The following EPM2A variants were observed in gnomAD, a reference collection of about 807,000 sequenced individuals.
EPM2A encodes the protein laforin.
EPM2A carries 21 observed loss-of-function variants against 26.5 expected under a neutral mutation model. The observed-to-expected ratio is 0.79, with a 90% confidence interval of 0.56 to 1.14. EPM2A has a LOEUF of 1.14. Among genes scored for constraint, EPM2A ranks in the 50% most tolerant of loss-of-function variants. EPM2A has a pLI of 0.00. For missense variants in EPM2A, 458 were observed against 440.8 expected (o/e 1.04, Z -0.35); for synonymous variants, 217 against 177.6 (o/e 1.22, Z -1.76).
At chr6:145,709,685 C>G (rs940918642) in intron 1 of EPM2A, among the ~76,000 whole-genome samples, 2 of 152,118 alleles carry the variant, frequency 1.3e-5, no homozygotes, top group African/African-American at 4.8e-5. Flanking sequence ...ATTATCCCAT[C>G]TGTATTTTAG....
chr6:145,561,523 GA>G (rs1167126125), intron 2 of EPM2A, among the ~76,000 whole-genome samples: 9 of 152,064 alleles, frequency 5.9e-5, no homozygotes, highest in Non-Finnish European at 8.8e-5. Context: ...CAAAACAAGG[GA>G]AGACTGCAGC....
intron 2 of EPM2A, among the ~76,000 whole-genome samples, chr6:145,555,875 C>A (rs1373415320): frequency 6.6e-6 from 1 of 152,096 alleles, no homozygotes; most frequent in Admixed American, 6.6e-5. Flanking sequence ...AAGTAGTTCC[C>A]TGACCTTTCT....
At chr6:145,449,755 A>T (rs751507601) in intron 4 of EPM2A, among the ~76,000 whole-genome samples, 63 of 152,206 alleles carry the variant, frequency 4.1e-4, no homozygotes, top group Non-Finnish European at 7.2e-4. Flanking sequence ...ACTCTTCCTA[A>T]CATAGTCAAA....
intron 2 of EPM2A, among the ~76,000 whole-genome samples, chr6:145,585,357 A>G (rs1484815521): frequency 2.0e-5 from 3 of 152,160 alleles, no homozygotes; most frequent in African/African-American, 7.2e-5. Flanking sequence ...AGAAATTACC[A>G]GCATATTATG....
intron 1 of EPM2A, among the ~76,000 whole-genome samples, chr6:145,720,210 T>C (rs1775879557): frequency 6.6e-6 from 1 of 152,180 alleles, no homozygotes; most frequent in South Asian, 2.1e-4. Flanking sequence ...CAAAAAAGCA[T>C]ACATAGCTCT....
At chr6:145,523,145 T>G (rs1310674932) in intron 2 of EPM2A, among the ~76,000 whole-genome samples, 1 of 152,230 alleles carries the variant, frequency 6.6e-6, no homozygotes. Flanking sequence ...AACTTTGTTT[T>G]TTCAGTTGAA....
At chr6:145,452,600 A>G (rs1257244399) in intron 4 of EPM2A, among the ~76,000 whole-genome samples, 1 of 149,110 alleles carries the variant, frequency 6.7e-6, no homozygotes, top group Non-Finnish European at 1.5e-5. Flanking sequence ...TGAACCCAGG[A>G]GACGGAGCTT....
At chr6:145,421,783 A>G (rs1778787288) in intron 4 of EPM2A, among the ~76,000 whole-genome samples, 1 of 151,788 alleles carries the variant, frequency 6.6e-6, no homozygotes, top group South Asian at 2.1e-4. Flanking sequence ...TTTAAGTTAA[A>G]AAAACAGGCT....
intron 1 of EPM2A, among the ~76,000 whole-genome samples, chr6:145,714,800 A>G (rs1173805232): frequency 1.3e-5 from 2 of 152,172 alleles, no homozygotes; most frequent in African/African-American, 4.8e-5. Context: ...CTATCACGAG[A>G]ACAACACAAG....
At chr6:145,540,129 C>G (rs925122460) in intron 2 of EPM2A, among the ~76,000 whole-genome samples, 3 of 152,194 alleles carry the variant, frequency 2.0e-5, no homozygotes, top group African/African-American at 7.2e-5. Flanking sequence ...CCTGTGGCCC[C>G]CATGGCACCA....
At chr6:145,522,695 T>C (rs1780218618) in intron 2 of EPM2A, among the ~76,000 whole-genome samples, 1 of 152,164 alleles carries the variant, frequency 6.6e-6, no homozygotes, top group Non-Finnish European at 1.5e-5. Flanking sequence ...CTTAGAACAT[T>C]GCTTCAGGAT....
chr6:145,576,734 AG>A (rs1212974381), intron 2 of EPM2A, among the ~76,000 whole-genome samples: 2 of 152,140 alleles, frequency 1.3e-5, no homozygotes, highest in African/African-American at 2.4e-5. Context: ...AAGTACACAA[AG>A]ATAGAATATG....
chr6:145,416,462 C>A (rs1312857728), intron 4 of EPM2A, among the ~76,000 whole-genome samples: 1 of 152,006 alleles, frequency 6.6e-6, no homozygotes, highest in African/African-American at 2.4e-5. Context: ...TTCATGAATT[C>A]TTCCTATTAC....
chr6:145,540,522 T>C (rs1189055289), intron 2 of EPM2A, among the ~76,000 whole-genome samples: 2 of 152,162 alleles, frequency 1.3e-5, no homozygotes, highest in African/African-American at 2.4e-5. Flanking sequence ...ACACCAGGGA[T>C]TCTCATATGT....
chr6:145,517,564 C>T (rs1430032272), intron 2 of EPM2A, among the ~76,000 whole-genome samples: 3 of 152,026 alleles, frequency 2.0e-5, no homozygotes, highest in Admixed American at 6.6e-5. Context: ...AGAAGAGCTT[C>T]GAAAGGCATA....
intron 4 of EPM2A, among the ~76,000 whole-genome samples, chr6:145,467,901 C>A (rs1334219609): frequency 6.6e-6 from 1 of 151,906 alleles, no homozygotes; most frequent in African/African-American, 2.4e-5. Context: ...TTGATTATTA[C>A]CCTATATGGA....
intron 4 of EPM2A, among the ~76,000 whole-genome samples, chr6:145,420,258 T>G (rs1036235538): frequency 3.9e-5 from 6 of 152,188 alleles, no homozygotes; most frequent in Non-Finnish European, 8.8e-5. Context: ...TTCTTTGATA[T>G]GATACTCTTT....
At chr6:145,482,391 T>A (rs1779620464) in intron 4 of EPM2A, among the ~76,000 whole-genome samples, 1 of 152,162 alleles carries the variant, frequency 6.6e-6, no homozygotes, top group South Asian at 2.1e-4. Context: ...GAATATATGA[T>A]GATTTTTTAA....
intron 2 of EPM2A, among the ~76,000 whole-genome samples, chr6:145,559,641 A>G (rs1762479104): frequency 6.7e-6 from 1 of 149,920 alleles, no homozygotes; most frequent in Non-Finnish European, 1.5e-5. Context: ...AATTTTGCCT[A>G]TGGATGGCTC....
Sources: allele counts gnomAD v4.1 joint callset (sites outside exome capture counted in the v4.1 genomes callset), GRCh38; gene constraint gnomAD v4.1.1; transcripts MANE v1.5; gene names NCBI Gene and HGNC (gene_info 2026-07-23, HGNC 2026-07-21).